The following LTBR variants were observed in gnomAD, a reference collection of about 807,000 sequenced individuals.
LTBR encodes tumor necrosis factor receptor superfamily member 3.
A neutral mutation model predicts 45.4 loss-of-function variants in LTBR; 15 were observed. That is an observed-to-expected ratio of 0.33 (90% CI 0.22 to 0.51). LTBR has a LOEUF of 0.51. LTBR is among the 20% of genes least tolerant of loss of function. The probability of loss-of-function intolerance (pLI) is 0.97; values close to 1 mark genes in which losing one functional copy is unlikely to be tolerated. For missense variants in LTBR, 450 were observed against 565.5 expected (o/e 0.80, Z 2.07); for synonymous variants, 228 against 231.0 (o/e 0.99, Z 0.12).
chr12:6,390,561 C>G (rs1033151362), intron 9 of LTBR, 99 bp from the exon 10 acceptor site: 1 of 1,260,288 alleles, frequency 7.9e-7, no homozygotes, highest in Middle Eastern at 2.0e-4. Flanking sequence ...AGGAGAGGGG[C>G]GGGGCCAGGG....
chr12:6,375,412 G>C (rs1592090497), upstream of LTBR: 1 of 1,518,622 alleles, frequency 6.6e-7, no homozygotes, highest in East Asian at 2.5e-5. Flanking sequence ...GGAGGTCTGG[G>C]CTGCCTCCAG....
exon 1 of LTBR, chr12:6,375,540 C>CGCCG (rs1948890142): frequency 6.5e-7 from 1 of 1,534,760 alleles, no homozygotes; most frequent in African/African-American, 1.4e-5. Flanking sequence ...GGAGCCCGCC[C>CGCCG]GCTGGCCGGC....
At chr12:6,375,511 G>A in exon 1 of LTBR, 7 of 1,535,478 alleles carry the variant, frequency 4.6e-6, no homozygotes, top group South Asian at 2.4e-5. Context: ...TCACCTGACA[G>A]GTGCAGCGGC....
Position 6,386,936 on chromosome 12 carries a change from C to CTG in LTBR, c.667+500_667+501dup, listed in dbSNP as rs1235047672. 6.5e-6 allele frequency: 1 copy of CTG among 153,704 alleles called. No homozygotes were observed. The highest frequency in any genetic ancestry group is 2.4e-5 in the African/African-American group (1 of 41,454). The allele number at this position is 153,704 out of a possible 1,614,324, so 9.5% of individuals were successfully genotyped here. ...ACATCACTAATTGGCAGAAGGTTCA[C>CTG]TGTGTGTGTTGGGCACTCTGTAACC... On this transcript the variant is annotated intron_variant, in intron 6 of 9. Transcript: ENST00000228918. This position sits in a 1 kb window ranked among gnomAD's most constrained non-coding sequence, Gnocchi z 4.1.
chr12:6,377,672 G>T lies in LTBR; in HGVS notation c.39+2078G>T, dbSNP rs1031872784. ...CCCTTGAGCCAGGTCCTTACATTGGGCATGGTCCTCCCTGCAATAAGGTGC... is the reference window on the plus strand; with the variant it reads ...CCCTTGAGCCAGGTCCTTACATTGGTCATGGTCCTCCCTGCAATAAGGTGC... On this transcript the variant is annotated intron_variant, in intron 1 of 9. Transcript: ENST00000539925. 10 of 1,300,876 alleles carry T rather than the reference G, an allele frequency of 7.7e-6. No individual in the cohort carries two copies. The African/African-American group carries it at 1.4e-4, about 18-fold the overall frequency. 80.6% of individuals were successfully genotyped at this position (1,300,876 alleles called of 1,614,324 possible). A position where few individuals can be genotyped will look rare whatever the true frequency, so the allele number is the denominator to read the frequency against.
At chr12:6,390,393 G>A in intron 9 of LTBR, 53 bp downstream of exon 9, 1 of 1,458,496 alleles carries the variant, frequency 6.9e-7, no homozygotes, top group Non-Finnish European at 9.4e-7. Flanking sequence ...GGGATGGCTG[G>A]CAGGGAGAGA....
At chr12:6,376,928 T>A (rs904705665) in intron 1 of LTBR, among the ~76,000 whole-genome samples, 1 of 152,212 alleles carries the variant, frequency 6.6e-6, no homozygotes, top group East Asian at 1.9e-4. Flanking sequence ...AGGTTTCTAT[T>A]TGTACACTTT....
At position 6,388,174 on chromosome 12, in the gene LTBR, C is replaced by G. The variant is rs1056730052; in HGVS notation, c.668-224C>G. 1.1e-5 allele frequency: 6 copies of G among 522,964 alleles called. No individual in the cohort carries two copies. The highest frequency in any genetic ancestry group is 7.7e-5 in the African/African-American group (4 of 52,136). 32.4% of individuals were successfully genotyped at this position (522,964 alleles called of 1,614,324 possible). ...CATGCCCATCCATGATACAGTCTCT[C>G]CTGGCTGCCAAGAGGTCCTCAAGTC... is the stretch of plus-strand genomic sequence containing the variant. On this transcript the variant is annotated intron_variant, in intron 6 of 9. Transcript: ENST00000228918. This position sits in a 1 kb window ranked among gnomAD's most constrained non-coding sequence, Gnocchi z 4.3.
Position 6,386,385 on chromosome 12 carries a change from C to A in LTBR, c.608C>A (p.Thr203Asn). ...NQGLVEAAPG[T>N]AQSDTTCKNP... is the part of the protein sequence containing the mutation. ...GGTCTGGTGGAGGCAGCTCCAGGCA[C>A]TGCCCAGTCCGACACAACCTGCAAA... is the stretch of plus-strand genomic sequence containing the variant. Residue 203 changes from threonine to asparagine, a missense_variant, in exon 6 of 10, where the codon ACT becomes AAT. Around this residue, in one of 3 missense-constraint regions of LTBR, gnomAD observed 367 missense variants for 435.4 expected, o/e 0.84. Transcript: ENST00000228918. This position sits in a 1 kb window ranked among gnomAD's most constrained non-coding sequence, Gnocchi z 4.1. 3 of 1,613,982 alleles carry A rather than the reference C, an allele frequency of 1.9e-6. No individual in the cohort carries two copies. Among genetic ancestry groups the A allele is most frequent in the Non-Finnish European group, 2.5e-6 (3 of 1,179,976 alleles).
In LTBR at chr12:6,384,650, C is replaced by G; in HGVS notation, c.159C>G (p.Pro53=). 1 of 1,614,216 alleles carries G rather than the reference C, an allele frequency of 6.2e-7. No homozygotes were observed. Among genetic ancestry groups the G allele is most frequent in the Non-Finnish European group, 8.5e-7 (1 of 1,180,032 alleles). ...ACCAGGAAAAGGAATACTATGAGCC[C>G]CAGCACCGCATCTGCTGCTCCCGCT... ...CRDQEKEYYE[P]QHRICCSRCP... Residue 53 remains proline, a synonymous_variant, in exon 2 of 10, where the codon CCC becomes CCG. Coordinates refer to ENST00000228918, the MANE Select transcript of LTBR (RefSeq NM_002342.3).
chr12:6,375,624 G>C, intron 1 of LTBR: 4 of 1,498,640 alleles, frequency 2.7e-6, no homozygotes, highest in Non-Finnish European at 3.6e-6. Context: ...GGGCTGAGGA[G>C]GAGTCAGAGC....
chr12:6,384,796 C>T lies in LTBR; in HGVS notation c.193+112C>T, dbSNP rs1284369742. On this transcript the variant is annotated intron_variant, in intron 2 of 9. Coordinates refer to ENST00000228918, the MANE Select transcript of LTBR (RefSeq NM_002342.3). Reference sequence around the variant, plus strand: ...CACTGTCCCCCAGGAAAACTGGCTGCTGGAGACGAGCGTGGGAAACCCTGG... The same window carrying T: ...CACTGTCCCCCAGGAAAACTGGCTGTTGGAGACGAGCGTGGGAAACCCTGG... The T allele has an allele frequency of 3.5e-6, 4 of 1,154,012 alleles. No homozygotes were observed. In the African/African-American group the frequency reaches 6.1e-5, roughly 17 times the overall value. The allele number at this position is 1,154,012 out of a possible 1,614,324, so 71.5% of individuals were successfully genotyped here. A position where few individuals can be genotyped will look rare whatever the true frequency, so the allele number is the denominator to read the frequency against.
upstream of LTBR, among the ~76,000 whole-genome samples, chr12:6,382,887 T>C (rs557001972): frequency 6.6e-6 from 1 of 152,144 alleles, no homozygotes; most frequent in Non-Finnish European, 1.5e-5. Context: ...CCACAAGGAG[T>C]TGGCAGGACT....
chr12:6,380,988 C>T (rs1270075367), upstream of LTBR, among the ~76,000 whole-genome samples: 1 of 152,170 alleles, frequency 6.6e-6, no homozygotes, highest in African/African-American at 2.4e-5. Context: ...TGGAGTCTCC[C>T]TTTATCCTCC....
chr12:6,391,267 C>T lies in LTBR; in HGVS notation c.*330C>T, dbSNP rs772422380. The T allele has an allele frequency of 8.6e-6, 2 of 231,634 alleles. No homozygotes were observed. Among genetic ancestry groups the T allele is most frequent in the African/African-American group, 2.2e-5 (1 of 44,502 alleles). The allele number at this position is 231,634 out of a possible 1,614,324, so 14.3% of individuals were successfully genotyped here. A position where few individuals can be genotyped will look rare whatever the true frequency, so the allele number is the denominator to read the frequency against. ...CACCGGAGCACGGCACCGAGGGAGCCGCCACACGGTCACCTGCAAGGACGT... is the reference window on the plus strand; with the variant it reads ...CACCGGAGCACGGCACCGAGGGAGCTGCCACACGGTCACCTGCAAGGACGT... On this transcript the variant is annotated 3_prime_UTR_variant, in exon 10 of 10. Transcript: ENST00000228918.
At chr12:6,381,069 A>C (rs11831220), upstream of LTBR, among the ~76,000 whole-genome samples, 23,509 of 152,076 alleles carry the variant, frequency 0.15, 3,160 homozygotes, top group African/African-American at 0.33. Flanking sequence ...CTGGGAAACA[A>C]GAAACACTCT....
chr12:6,382,510 C>T (rs1359762994), upstream of LTBR, among the ~76,000 whole-genome samples: 4 of 152,234 alleles, frequency 2.6e-5, no homozygotes, highest in Non-Finnish European at 5.9e-5. Flanking sequence ...CAGGGACTCT[C>T]ATCCCAGCCC....
rs1331365787 is a variant in LTBR at position 6,388,490 on chromosome 12, C to T, written c.760C>T (p.Leu254Phe). ...CTGCATCTGGAAGAGCCACCCTTCT[C>T]TCTGCAGGAAACTGGGTAGGAAAGG... The part of the protein sequence containing the change: ...FSCIWKSHPS[L>F]CRKLGSLLKR... The change falls in exon 7 of 10, where the codon CTC becomes TTC. Residue 254 changes from leucine to phenylalanine, a missense_variant. Leu to Phe is a conservative substitution (Grantham distance 22, BLOSUM62 0). This residue lies in a region of LTBR where 367 missense variants were observed against 435.4 expected (regional missense o/e 0.84). Coordinates refer to ENST00000228918, the MANE Select transcript of LTBR (RefSeq NM_002342.3). The surrounding 1 kb of genome is among the most constrained non-coding windows in gnomAD (Gnocchi z 4.3). The T allele has an allele frequency of 2.5e-6, 4 of 1,613,884 alleles. No homozygotes were observed. Among genetic ancestry groups the T allele is most frequent in the African/African-American group, 1.3e-5 (1 of 74,910 alleles).
At chr12:6,387,994 C>T (rs943637648) in intron 6 of LTBR, 2 of 361,522 alleles carry the variant, frequency 5.5e-6, no homozygotes, top group African/African-American at 4.2e-5. Context: ...TGGCTCTAGC[C>T]TGTGTCTGTT....
Sources: allele counts gnomAD v4.1 joint callset (sites outside exome capture counted in the v4.1 genomes callset), GRCh38; gene constraint gnomAD v4.1.1; regional missense constraint gnomAD v4.1.1; non-coding constraint Gnocchi (gnomAD v3.1); transcripts MANE v1.5; gene names NCBI Gene and HGNC (gene_info 2026-07-23, HGNC 2026-07-21).